ADAMTSL1: variants seen among roughly 807,000 people sequenced by gnomAD.
ADAMTSL1 encodes ADAMTS-like protein 1.
Under a neutral mutation model 201.8 loss-of-function variants are expected in ADAMTSL1, and 126 were observed. The observed-to-expected ratio is 0.62, with a 90% CI of 0.54 to 0.72. The LOEUF is 0.72. Ranked by LOEUF, ADAMTSL1 falls within the 30% of genes least tolerant of loss-of-function variation. The pLI is 0.00. For synonymous variants in ADAMTSL1, 1,121 were observed against 903.4 expected (o/e 1.24, Z -4.32); for missense variants, 2,679 against 2,277.8 (o/e 1.18, Z -3.59).
chr9:18,276,499 A>T (rs776369612), intron 2 of ADAMTSL1, among the ~76,000 whole-genome samples: 1 of 152,194 alleles, frequency 6.6e-6, no homozygotes, highest in Non-Finnish European at 1.5e-5. Context: ...ATATATTTCA[A>T]ATTAACATGT....
chr9:18,826,287 T>C lies in ADAMTSL1; in HGVS notation c.3938T>C (p.Val1313Ala). 6.2e-7 allele frequency: 1 copy of C among 1,606,874 alleles called. No individual in the cohort carries two copies. The highest frequency in any genetic ancestry group is 2.2e-5 in the East Asian group (1 of 44,568). The change falls in exon 22 of 29, where the codon GTG becomes GCG. Residue 1313 changes from valine (V) to alanine (A), a missense_variant. Coordinates refer to ENST00000380548, the MANE Select transcript of ADAMTSL1 (RefSeq NM_001040272.6). The part of the protein sequence containing the change: ...NVTINCQVAG[V>A]PEAEVTWFRN... ...TGTTTTTTTTTTTTCTTCCTAGGAG[T>C]GCCTGAAGCTGAAGTCACTTGGTTC... is the stretch of plus-strand genomic sequence containing the variant.
rs530881016 is a variant in ADAMTSL1 at position 17,919,654 on chromosome 9, A to G, written c.87+12732A>G. 2.8e-4 allele frequency among the ~76,000 whole-genome samples: 42 copies of G among 152,198 alleles called. No individual in the cohort carries two copies. In the South Asian group the frequency reaches 7.7e-3, roughly 28 times the overall value. ...AAGTTGTAGCATATATCAGTACTTC[A>G]TTCCTTTCTATGGCTGAGTATTATT... On this transcript the variant is annotated intron_variant, in intron 1 of 29. Coordinates refer to the ADAMTSL1 transcript ENST00000680146.
At chr9:18,856,639 G>A (rs1274132375) in intron 23 of ADAMTSL1, among the ~76,000 whole-genome samples, 3 of 151,948 alleles carry the variant, frequency 2.0e-5, no homozygotes, top group African/African-American at 7.2e-5. Flanking sequence ...TGTATTTTTA[G>A]TAGACACAGG....
At chr9:18,328,915 CT>C (rs1457938347) in intron 2 of ADAMTSL1, among the ~76,000 whole-genome samples, 2 of 152,302 alleles carry the variant, frequency 1.3e-5, no homozygotes, top group African/African-American at 4.8e-5. Flanking sequence ...CTATTCCTCT[CT>C]GTAGCCACAG....
chr9:17,914,397 A>G (rs140931245), intron 1 of ADAMTSL1, among the ~76,000 whole-genome samples: 1,965 of 152,336 alleles, frequency 0.013, 43 homozygotes, highest in African/African-American at 0.045. Context: ...GATCCAGCAT[A>G]TAAACAGAAC....
intron 2 of ADAMTSL1, among the ~76,000 whole-genome samples, chr9:18,416,592 T>C (rs1260340559): frequency 4.6e-5 from 7 of 151,992 alleles, no homozygotes; most frequent in Admixed American, 4.6e-4. Flanking sequence ...TATACCATGC[T>C]AACTAACATT....
intron 15 of ADAMTSL1, among the ~76,000 whole-genome samples, chr9:18,744,823 C>A (rs1819042442): frequency 6.6e-6 from 1 of 152,222 alleles, no homozygotes; most frequent in South Asian, 2.1e-4. Flanking sequence ...AGTCTTCTAT[C>A]TTTCATATAG....
At chr9:18,892,720 C>A (rs111418746) in intron 26 of ADAMTSL1, 124 bp downstream of exon 26, 40,202 of 1,180,716 alleles carry the variant, frequency 0.034, 1,257 homozygotes, top group South Asian at 0.13. Flanking sequence ...ATTGGCCAGG[C>A]ATAGCTTTTG....
At chr9:18,604,078 G>C (rs545648444) in intron 4 of ADAMTSL1, among the ~76,000 whole-genome samples, 192 of 152,326 alleles carry the variant, frequency 1.3e-3, no homozygotes, top group South Asian at 2.1e-3. Flanking sequence ...ATTGGCTGGA[G>C]CTGGACCTCA....
At chr9:18,666,831 TACA>T (rs1452411740) in intron 9 of ADAMTSL1, among the ~76,000 whole-genome samples, 2 of 152,200 alleles carry the variant, frequency 1.3e-5, no homozygotes, top group East Asian at 3.9e-4. Flanking sequence ...ATGTAAAATA[TACA>T]ACATTTAGCC....
intron 2 of ADAMTSL1, among the ~76,000 whole-genome samples, chr9:18,204,515 A>T (rs1432646188): frequency 6.6e-6 from 1 of 152,194 alleles, no homozygotes; most frequent in African/African-American, 2.4e-5. Flanking sequence ...GTATGAAAAC[A>T]TACTAATACA....
chr9:18,843,237 C>A (rs2131329872), intron 23 of ADAMTSL1, among the ~76,000 whole-genome samples: 1 of 150,826 alleles, frequency 6.6e-6, no homozygotes, highest in Non-Finnish European at 1.5e-5. Flanking sequence ...CTGGTGGTGA[C>A]AAAATCTCTC....
intron 1 of ADAMTSL1, among the ~76,000 whole-genome samples, chr9:18,474,707 C>T (rs963797199): frequency 2.0e-5 from 3 of 152,040 alleles, no homozygotes; most frequent in Admixed American, 2.0e-4. Context: ...TTGCCCGTAC[C>T]GCCTTTAATG....
At chr9:18,408,685 G>C (rs1489884288) in intron 2 of ADAMTSL1, among the ~76,000 whole-genome samples, 1 of 152,152 alleles carries the variant, frequency 6.6e-6, no homozygotes, top group African/African-American at 2.4e-5. Flanking sequence ...TTCTAGATAT[G>C]AAATCTCACA....
intron 1 of ADAMTSL1, among the ~76,000 whole-genome samples, chr9:18,147,853 T>TTCCA (rs1826716118): frequency 6.6e-6 from 1 of 152,256 alleles, no homozygotes; most frequent in African/African-American, 2.4e-5. Flanking sequence ...GAACAGTGTA[T>TTCCA]TCCACTATTC....
chr9:18,327,440 G>A (rs1267028948), intron 2 of ADAMTSL1, among the ~76,000 whole-genome samples: 2 of 152,152 alleles, frequency 1.3e-5, no homozygotes, highest in Non-Finnish European at 2.9e-5. Flanking sequence ...TCAAAACTGG[G>A]TTATCTGAGA....
Position 18,834,784 on chromosome 9 carries a change from C to T in ADAMTSL1, c.4249+4807C>T, listed in dbSNP as rs182364935. ...TCAGAATAATTACTTTGACATTCAT[C>T]CATATTGTAACATGGATCAACAGGG... On this transcript the variant is annotated intron_variant, in intron 23 of 28. Coordinates refer to ENST00000380548, the MANE Select transcript of ADAMTSL1 (RefSeq NM_001040272.6). Among the ~76,000 whole-genome samples, 4 of 152,254 alleles carry T rather than the reference C, an allele frequency of 2.6e-5. No homozygotes were observed. In the East Asian group the frequency reaches 7.7e-4, roughly 29 times the overall value.
intron 2 of ADAMTSL1, among the ~76,000 whole-genome samples, chr9:18,301,049 A>G (rs1304599673): frequency 2.0e-5 from 3 of 152,234 alleles, no homozygotes; most frequent in African/African-American, 4.8e-5. Context: ...TTAACTCCAC[A>G]GTAAATACTA....
chr9:17,916,500 G>T (rs546885747), intron 1 of ADAMTSL1, among the ~76,000 whole-genome samples: 18 of 152,240 alleles, frequency 1.2e-4, no homozygotes, highest in African/African-American at 3.6e-4. Context: ...ATATGGTACA[G>T]GGTAGGGATC....
Sources: allele counts gnomAD v4.1 joint callset (sites outside exome capture counted in the v4.1 genomes callset), GRCh38; gene constraint gnomAD v4.1.1; transcripts MANE v1.5; gene names NCBI Gene and HGNC (gene_info 2026-07-23, HGNC 2026-07-21).